Variants in ADK observed in about 807,000 individuals in gnomAD.
ADK encodes the protein N6,N6-dimethyladenosine kinase.
Under a neutral mutation model 44.7 loss-of-function variants are expected in ADK, and 24 were observed. The observed-to-expected ratio is 0.54, with a 90% CI of 0.39 to 0.76. The LOEUF (loss-of-function observed/expected upper bound fraction) is 0.76, where lower values mean the gene tolerates loss of function less well. Among genes scored for constraint, ADK ranks in the 30% least tolerant of loss-of-function variants. The pLI is 0.00. For missense variants in ADK, 321 were observed against 425.1 expected (o/e 0.76, Z 2.15); for synonymous variants, 128 against 142.6 (o/e 0.90, Z 0.73).
chr10:74,267,790 G>GTGTGTGTGTGTGTGTGTC (rs35081179), intron 3 of ADK, among the ~76,000 whole-genome samples: 40 of 145,710 alleles, frequency 2.7e-4, no homozygotes, highest in African/African-American at 9.3e-4. Context: ...GTGTGTGTGT[G>GTGTGTGTGTGTGTGTGTC]TGTCTGTCTG....
intron 9 of ADK, among the ~76,000 whole-genome samples, chr10:74,640,246 A>G (rs1003276875): frequency 2.0e-5 from 3 of 152,196 alleles, no homozygotes; most frequent in African/African-American, 7.2e-5. Context: ...TCTCAGATCT[A>G]ACTCCTCAGG....
At chr10:74,450,217 G>A (rs1319860306) in intron 6 of ADK, among the ~76,000 whole-genome samples, 1 of 152,180 alleles carries the variant, frequency 6.6e-6, no homozygotes, top group Non-Finnish European at 1.5e-5. Flanking sequence ...GGGAAGCTCA[G>A]GTGGAGGATC....
chr10:74,568,639 CT>C (rs79135944), intron 7 of ADK, among the ~76,000 whole-genome samples: 2,623 of 128,112 alleles, frequency 0.02, 57 homozygotes, highest in African/African-American at 0.059. Context: ...ATGGTTATTT[CT>C]TTTTTTTTTT....
At chr10:74,541,791 C>CT (rs1849637958) in intron 7 of ADK, among the ~76,000 whole-genome samples, 2 of 51,730 alleles carry the variant, frequency 3.9e-5, no homozygotes, top group Non-Finnish European at 9.0e-5. Context: ...AGAACCCCCA[C>CT]ACACCCCCCC....
intron 6 of ADK, among the ~76,000 whole-genome samples, chr10:74,505,550 C>G (rs1412387272): frequency 1.4e-5 from 2 of 143,966 alleles, no homozygotes; most frequent in Non-Finnish European, 3.0e-5. Context: ...TATCCACAGT[C>G]TCTTTTATGA....
intron 1 of ADK, among the ~76,000 whole-genome samples, chr10:74,162,960 C>A (rs1346351018): frequency 1.3e-5 from 2 of 151,714 alleles, no homozygotes; most frequent in African/African-American, 4.8e-5. Flanking sequence ...CCTACGTGAA[C>A]AGTAACATTT....
intron 2 of ADK, among the ~76,000 whole-genome samples, chr10:74,218,746 G>T (rs944436042): frequency 3.9e-5 from 6 of 152,104 alleles, no homozygotes; most frequent in African/African-American, 1.5e-4. Flanking sequence ...TTTCAACACA[G>T]AATTTCATAT....
chr10:74,644,442 G>C (rs1432030317), intron 9 of ADK, among the ~76,000 whole-genome samples: 1 of 152,152 alleles, frequency 6.6e-6, no homozygotes, highest in Admixed American at 6.5e-5. Context: ...CAGAATGAAA[G>C]GTCTCAATTT....
At chr10:74,325,042 T>C (rs1027310380) in intron 4 of ADK, among the ~76,000 whole-genome samples, 1 of 152,192 alleles carries the variant, frequency 6.6e-6, no homozygotes, top group Non-Finnish European at 1.5e-5. Context: ...ATTATCATTG[T>C]CATTTGAGAG....
chr10:74,203,162 T>C (rs11814981), intron 2 of ADK, among the ~76,000 whole-genome samples: 4,853 of 152,280 alleles, frequency 0.032, 273 homozygotes, highest in African/African-American at 0.11. Context: ...TATTCTTTTG[T>C]GTGTGGAAAT....
chr10:74,566,719 A>G (rs1193870573), intron 7 of ADK, among the ~76,000 whole-genome samples: 1 of 152,130 alleles, frequency 6.6e-6, no homozygotes, highest in Non-Finnish European at 1.5e-5. Context: ...TATACTTTAC[A>G]ATTTGTTTTT....
intron 10 of ADK, among the ~76,000 whole-genome samples, chr10:74,698,600 C>CGG (rs1856290589): frequency 6.6e-6 from 1 of 152,196 alleles, no homozygotes; most frequent in African/African-American, 2.4e-5. Flanking sequence ...CTCTCCCATT[C>CGG]TGGAGTGCAG....
At chr10:74,416,567 T>C (rs918716965) in intron 6 of ADK, among the ~76,000 whole-genome samples, 14 of 88,236 alleles carry the variant, frequency 1.6e-4, no homozygotes, top group African/African-American at 4.4e-4. Flanking sequence ...TGTTTTTGTT[T>C]CTGTTTTTTT....
chr10:74,552,039 T>C (rs1239232736), intron 7 of ADK, among the ~76,000 whole-genome samples: 1 of 152,150 alleles, frequency 6.6e-6, no homozygotes, highest in African/African-American at 2.4e-5. Flanking sequence ...TTTTTATTGT[T>C]GGATTTTTTT....
rs1589290811 is a variant in ADK, at chr10:74,605,128, T to C, written c.877+4635T>C. Among the ~76,000 whole-genome samples the C allele has an allele frequency of 2.0e-5, 3 of 152,328 alleles. No homozygotes were observed. In the East Asian group the frequency reaches 5.8e-4, roughly 29 times the overall value. The stretch of plus-strand genomic sequence containing the variant: ...GACTTTGCTGAAGTTGCTTATCAGC[T>C]TAAGGAGATTTTGGGCTGAGATGCT... On this transcript the variant is annotated intron_variant, in intron 9 of 10. Transcript: ENST00000539909.
At chr10:74,589,345 A>G in intron 8 of ADK, 28 bp downstream of exon 8, 1 of 1,611,966 alleles carries the variant, frequency 6.2e-7, no homozygotes, top group Admixed American at 1.7e-5. Flanking sequence ...TGCACACTAA[A>G]CAGATCCTAA....
intron 4 of ADK, among the ~76,000 whole-genome samples, chr10:74,366,221 T>C (rs1842494216): frequency 1.3e-5 from 2 of 152,192 alleles, no homozygotes; most frequent in African/African-American, 2.4e-5. Context: ...CATCTCTAGA[T>C]CCTTTGTAGT....
chr10:74,659,595 G>A (rs1224902908), intron 9 of ADK, among the ~76,000 whole-genome samples: 1 of 152,180 alleles, frequency 6.6e-6, no homozygotes, highest in Admixed American at 6.5e-5. Context: ...AGAACTAATA[G>A]GATAGATATG....
At chr10:74,201,156 G>A (rs1591843170) in intron 2 of ADK, among the ~76,000 whole-genome samples, 9 of 152,106 alleles carry the variant, frequency 5.9e-5, no homozygotes, top group Admixed American at 5.9e-4. Flanking sequence ...CGTCTATAAT[G>A]GTATCATAAT....
Sources: gnomAD v4.1 joint callset for allele counts (sites outside exome capture counted in the v4.1 genomes callset) on GRCh38, gnomAD v4.1.1 for gene constraint, MANE v1.5 for transcripts, NCBI Gene and HGNC (gene_info 2026-07-23, HGNC 2026-07-21) for gene names.